The following CFAP92 variants were observed in gnomAD, a reference collection of about 807,000 sequenced individuals.
CFAP92 encodes cilia and flagella associated protein 92 (putative), also known as uncharacterized protein CFAP92.
A neutral mutation model predicts 106.3 loss-of-function variants in CFAP92; 86 were observed. The observed-to-expected ratio is 0.81, with a 90% CI of 0.68 to 0.97. The LOEUF is 0.97. CFAP92 is among the 50% of genes least tolerant of loss of function. The pLI, the probability that CFAP92 is intolerant of heterozygous loss-of-function variation, is 0.00. For missense variants in CFAP92, 1,204 were observed against 1,283.8 expected (o/e 0.94, Z 0.95); for synonymous variants, 477 against 506.4 (o/e 0.94, Z 0.78).
chr3:128,924,893 C>G (rs2340467), intron 12 of CFAP92, among the ~76,000 whole-genome samples: 34,133 of 152,186 alleles, frequency 0.22, 4,285 homozygotes, highest in East Asian at 0.58. Flanking sequence ...ATCCTCACCA[C>G]CTGCTTCTTT....
chr3:129,011,656 G>C, the CFAP92 span, among the ~76,000 whole-genome samples: 1 of 152,182 alleles, frequency 6.6e-6, no homozygotes, highest in African/African-American at 2.4e-5. Flanking sequence ...TGAAAAGCAA[G>C]GAGGCAGAGG....
intron 9 of CFAP92, among the ~76,000 whole-genome samples, chr3:128,963,452 C>G (rs11706008): frequency 0.27 from 41,416 of 152,028 alleles, 5,986 homozygotes; most frequent in African/African-American, 0.34. Context: ...TCATACCTGA[C>G]GCATATACTT....
chr3:128,915,572 G>C lies in CFAP92; in HGVS notation c.2917-9C>G, dbSNP rs1289319899. ...AATCTCTTTCTTGGCTCCTAGAAAT[G>C]GGGGCAGACAGGTTGGGGTGGAAGG... On this transcript the variant is annotated splice_polypyrimidine_tract_variant and intron_variant, in intron 13 of 15. Coordinates refer to ENST00000645291, the MANE Select transcript of CFAP92 (RefSeq NM_001394090.1). 1 of 1,496,222 alleles carries C rather than the reference G, an allele frequency of 6.7e-7. No individual in the cohort carries two copies. The highest frequency in any genetic ancestry group is 2.5e-5 in the East Asian group (1 of 40,532). The allele number at this position is 1,496,222 out of a possible 1,614,324, so 92.7% of individuals were successfully genotyped here. A position where few individuals can be genotyped will look rare whatever the true frequency, so the allele number is the denominator to read the frequency against.
intron 15 of CFAP92, chr3:128,912,995 A>G: frequency 2.2e-6 from 1 of 464,190 alleles, no homozygotes; most frequent in Non-Finnish European, 4.3e-6. Flanking sequence ...CACATTCTCT[A>G]AGAAACAGCT....
chr3:128,927,734 A>G (rs946763834), intron 12 of CFAP92, among the ~76,000 whole-genome samples: 2 of 151,880 alleles, frequency 1.3e-5, no homozygotes, highest in Non-Finnish European at 2.9e-5. Context: ...AAAAAAAAAA[A>G]AAAAAATTAA....
At chr3:129,001,747 T>C (rs1320800215) in intron 1 of CFAP92, 2 of 1,540,820 alleles carry the variant, frequency 1.3e-6, no homozygotes, top group Non-Finnish European at 1.7e-6. Context: ...CACTACGGGC[T>C]GGACCGCGGC....
chr3:128,948,889 T>C (rs1940522570), intron 9 of CFAP92, among the ~76,000 whole-genome samples: 1 of 152,066 alleles, frequency 6.6e-6, no homozygotes, highest in Admixed American at 6.6e-5. Context: ...ACAACCCAAC[T>C]GAAAAATGAG....
At chr3:128,937,728 G>C (rs148487163) in intron 10 of CFAP92, among the ~76,000 whole-genome samples, 3 of 152,098 alleles carry the variant, frequency 2.0e-5, no homozygotes, top group African/African-American at 7.2e-5. Context: ...GTTGAGTAAT[G>C]AGTACATGCA....
chr3:128,979,438 A>G (rs910412110), intron 4 of CFAP92, among the ~76,000 whole-genome samples: 9 of 152,340 alleles, frequency 5.9e-5, no homozygotes, highest in African/African-American at 1.2e-4. Flanking sequence ...CAGCCATCCC[A>G]TTACTGGGTA....
rs1576431983 is a variant in CFAP92, at chr3:128,933,871, T to C, written c.2454-874A>G. On this transcript the variant is annotated intron_variant, in intron 11 of 15. Coordinates refer to ENST00000645291, the MANE Select transcript of CFAP92 (RefSeq NM_001394090.1). The stretch of plus-strand genomic sequence containing the variant: ...GAAAAGCCTCTTAGCCCCGACCAAG[T>C]TCTTTCTCCTTCCTATCTCTCCAGC... 9.9e-5 allele frequency among the ~76,000 whole-genome samples: 15 copies of C among 152,204 alleles called. 1 individual carries two copies. In the South Asian group the frequency reaches 3.1e-3, roughly 32 times the overall value.
At chr3:128,924,684 T>C (rs1937540660) in intron 12 of CFAP92, among the ~76,000 whole-genome samples, 2 of 151,962 alleles carry the variant, frequency 1.3e-5, no homozygotes, top group African/African-American at 4.8e-5. Flanking sequence ...CAACCTCAGG[T>C]GATCTGCCTG....
At position 128,944,565 on chromosome 3, in the gene CFAP92, G is replaced by T. The variant is rs1288042169; in HGVS notation, c.2258+506C>A. On this transcript the variant is annotated intron_variant, in intron 10 of 15. Transcript: ENST00000645291. ...TTGCAAATTGTGAAAGGAAGGGAGA[G>T]GTGTCATGTCACCAAAACTAAAAAA... 2.0e-5 allele frequency among the ~76,000 whole-genome samples: 3 copies of T among 152,150 alleles called. No individual in the cohort carries two copies. The East Asian group carries it at 5.8e-4, about 29-fold the overall frequency.
At chr3:128,988,494 T>C (rs1327031436) in intron 3 of CFAP92, among the ~76,000 whole-genome samples, 1 of 151,688 alleles carries the variant, frequency 6.6e-6, no homozygotes, top group Non-Finnish European at 1.5e-5. Flanking sequence ...GAGCAAAGAT[T>C]GCACCACTCT....
At chr3:128,944,170 T>C (rs1191192982) in intron 10 of CFAP92, among the ~76,000 whole-genome samples, 1 of 151,600 alleles carries the variant, frequency 6.6e-6, no homozygotes, top group African/African-American at 2.4e-5. Context: ...GCTCAAGTGA[T>C]TCCAGGATCA....
chr3:129,011,566 A>AG, the CFAP92 span, among the ~76,000 whole-genome samples: 17 of 151,492 alleles, frequency 1.1e-4, no homozygotes, highest in East Asian at 3.3e-3. Context: ...AAAAAAAAAA[A>AG]GAATGAAGCA....
At chr3:128,932,213 G>A (rs1196025226) in intron 12 of CFAP92, among the ~76,000 whole-genome samples, 3 of 152,128 alleles carry the variant, frequency 2.0e-5, no homozygotes. Context: ...GGCATGGGGT[G>A]AGCGAGGTTC....
intron 9 of CFAP92, among the ~76,000 whole-genome samples, chr3:128,964,282 C>T (rs1409838851): frequency 1.3e-5 from 2 of 152,088 alleles, no homozygotes; most frequent in East Asian, 1.9e-4. Flanking sequence ...TTACCACTTT[C>T]GCTTCTACAA....
rs202188132 is a variant in CFAP92 at position 128,993,240 on chromosome 3, G to C, written c.65C>G (p.Thr22Ser). 94 of 1,614,052 alleles carry C rather than the reference G, an allele frequency of 5.8e-5. No homozygotes were observed. The East Asian group carries it at 2.0e-3, about 35-fold the overall frequency. Residue 22 changes from threonine (T) to serine (S), a missense_variant, in exon 2 of 16, where the codon ACT becomes AGT. By Grantham distance (58) the Thr-to-Ser change is moderately conservative. Transcript: ENST00000645291. ...PASIEPISSITSFYQSTSECD... is the reference protein window; with the variant it reads ...PASIEPISSISSFYQSTSECD... ...CTCGCTCGTGGACTGGTAAAAGCTA[G>C]TGATGGAGGAGATGGGCTCTATGCT...
chr3:129,015,780 C>T, the CFAP92 span, among the ~76,000 whole-genome samples: 1 of 151,370 alleles, frequency 6.6e-6, no homozygotes, highest in Non-Finnish European at 1.5e-5. Flanking sequence ...TGCATCCCGC[C>T]CCCCTACCCC....
Sources: allele counts gnomAD v4.1 joint callset (sites outside exome capture counted in the v4.1 genomes callset), GRCh38; gene constraint gnomAD v4.1.1; transcripts MANE v1.5; gene names NCBI Gene and HGNC (gene_info 2026-07-23, HGNC 2026-07-21).